Variants in BRINP3 observed in about 807,000 individuals in gnomAD.
BRINP3 encodes BMP/retinoic acid inducible neural specific 3, also known as BMP/retinoic acid-inducible neural-specific protein 3.
BRINP3 carries 19 observed loss-of-function variants against 71.0 expected under a neutral mutation model. That is an observed-to-expected ratio of 0.27 (90% CI 0.19 to 0.39). BRINP3 has a LOEUF of 0.39. Ranked by LOEUF, BRINP3 falls within the 10% of genes least tolerant of loss-of-function variation. The pLI is 1.00. For synonymous variants in BRINP3, 380 were observed against 337.7 expected (o/e 1.13, Z -1.37); for missense variants, 959 against 940.8 (o/e 1.02, Z -0.25).
intron 2 of BRINP3, among the ~76,000 whole-genome samples, chr1:190,404,571 T>G (rs1161120716): frequency 6.6e-6 from 1 of 152,178 alleles, no homozygotes; most frequent in African/African-American, 2.4e-5. Flanking sequence ...AACATGATCT[T>G]AAGTAAAAGC....
chr1:190,265,092 C>A, intron 3 of BRINP3, 37 bp from the exon 4 acceptor site: 1 of 1,551,144 alleles, frequency 6.4e-7, no homozygotes. Flanking sequence ...CAATTTTCCA[C>A]TTAAAATCTT....
rs555202855 is a variant in BRINP3, at chr1:190,138,018, G to T, written c.1184+22650C>A. On this transcript the variant is annotated intron_variant, in intron 7 of 7. Transcript: ENST00000367462. ...TGCCCAGGCTGGAGTACAATGGCATGAGCTCGGCTCACCGCAACCTCTGCC... is the reference window on the plus strand; with the variant it reads ...TGCCCAGGCTGGAGTACAATGGCATTAGCTCGGCTCACCGCAACCTCTGCC... Among the ~76,000 whole-genome samples, 371 of 151,812 alleles carry T rather than the reference G, an allele frequency of 2.4e-3. 2 individuals carry two copies. The highest frequency in any genetic ancestry group is 8.4e-3 in the African/African-American group (346 of 41,382).
At chr1:190,104,239 A>G (rs1346064170) in intron 7 of BRINP3, among the ~76,000 whole-genome samples, 1 of 151,944 alleles carries the variant, frequency 6.6e-6, no homozygotes, top group Non-Finnish European at 1.5e-5. Flanking sequence ...CTTGAGTGAC[A>G]ATACACTATA....
intron 6 of BRINP3, among the ~76,000 whole-genome samples, chr1:190,201,848 A>G (rs763973031): frequency 6.6e-6 from 1 of 152,184 alleles, no homozygotes; most frequent in Non-Finnish European, 1.5e-5. Flanking sequence ...ATTTCAGAAT[A>G]CACATGGAAA....
At chr1:190,239,175 T>C (rs116648903) in intron 4 of BRINP3, among the ~76,000 whole-genome samples, 9 of 152,184 alleles carry the variant, frequency 5.9e-5, no homozygotes, top group African/African-American at 2.2e-4. Context: ...TCCCTCATCA[T>C]GTGGGGATTA....
intron 7 of BRINP3, 95 bp downstream of exon 7, chr1:190,160,573 G>T: frequency 1.1e-6 from 1 of 936,806 alleles, no homozygotes; most frequent in Non-Finnish European, 1.6e-6. Context: ...ATTAGATCAT[G>T]ATTTGTATAT....
intron 2 of BRINP3, among the ~76,000 whole-genome samples, chr1:190,393,255 A>C (rs1030576236): frequency 6.6e-6 from 1 of 151,658 alleles, no homozygotes; most frequent in Non-Finnish European, 1.5e-5. Flanking sequence ...ACAAGGGATC[A>C]ATAAGTGGAG....
chr1:190,147,358 T>G (rs553119372), intron 7 of BRINP3, among the ~76,000 whole-genome samples: 1 of 152,256 alleles, frequency 6.6e-6, no homozygotes, highest in African/African-American at 2.4e-5. Flanking sequence ...CCAATAAGAA[T>G]AATTTATTTC....
At position 190,229,937 on chromosome 1, in the gene BRINP3, A is replaced by T. The variant is rs570115960; in HGVS notation, c.725-3619T>A. ...AATTAATTTCAATCACATGATCAAA[A>T]ATTTAATAACAAAACAGACAATATG... On this transcript the variant is annotated intron_variant, in intron 5 of 7. Transcript: ENST00000367462. 4.9e-4 allele frequency among the ~76,000 whole-genome samples: 75 copies of T among 152,126 alleles called. 2 individuals carry two copies. The highest frequency in any genetic ancestry group is 1.8e-3 in the African/African-American group (73 of 41,518).
Position 190,454,886 on chromosome 1 carries a change from A to G in BRINP3, c.5T>C (p.Ile2Thr). Reference protein sequence around the residue: MIWRSRAGAELF... With the variant: MTWRSRAGAELF... Reference sequence around the variant, plus strand: ...TTCAGCACCAGCTCTGCTTCGCCATATCATGCTTCCACTGGGGATTTAGAG... The same window carrying G: ...TTCAGCACCAGCTCTGCTTCGCCATGTCATGCTTCCACTGGGGATTTAGAG... The change falls in exon 2 of 8, where the codon ATA becomes ACA. Residue 2 changes from isoleucine (I) to threonine (T), a missense_variant. Physicochemically the swap from Ile to Thr is moderately conservative, Grantham distance 89 (BLOSUM62 -1). Coordinates refer to ENST00000367462, the MANE Select transcript of BRINP3 (RefSeq NM_199051.3). 1 of 1,613,494 alleles carries G rather than the reference A, an allele frequency of 6.2e-7. No homozygotes were observed. The highest frequency in any genetic ancestry group is 8.5e-7 in the Non-Finnish European group (1 of 1,179,482).
At chr1:190,451,754 A>G (rs1036671491) in intron 2 of BRINP3, among the ~76,000 whole-genome samples, 6 of 152,290 alleles carry the variant, frequency 3.9e-5, no homozygotes, top group African/African-American at 1.4e-4. Flanking sequence ...ACTTTTTCAA[A>G]CATGATGACA....
chr1:190,171,704 ATATAT>A (rs1328621284), intron 6 of BRINP3, among the ~76,000 whole-genome samples: 2 of 152,190 alleles, frequency 1.3e-5, no homozygotes, highest in African/African-American at 4.8e-5. Flanking sequence ...CAAGCATAAA[ATATAT>A]TATACACTAG....
intron 7 of BRINP3, among the ~76,000 whole-genome samples, chr1:190,120,244 CA>C (rs1299114142): frequency 5.9e-5 from 9 of 152,036 alleles, no homozygotes; most frequent in Admixed American, 5.2e-4. Flanking sequence ...TTCTCTGTTA[CA>C]ACCTTATCTC....
Position 190,410,338 on chromosome 1 carries a change from G to C in BRINP3, c.236+44317C>G, listed in dbSNP as rs373543650. On this transcript the variant is annotated intron_variant, in intron 2 of 7. Transcript: ENST00000367462. ...TTATTGCCTGTCATTAAGATATGGAGACTGGGGGGAAAGGTGTTTTTGTTT... is the reference window on the plus strand; with the variant it reads ...TTATTGCCTGTCATTAAGATATGGACACTGGGGGGAAAGGTGTTTTTGTTT... 3.0e-3 allele frequency among the ~76,000 whole-genome samples: 461 copies of C among 152,168 alleles called. 1 individual carries two copies. Among genetic ancestry groups the C allele is most frequent in the African/African-American group, 0.011 (444 of 41,528 alleles).
intron 6 of BRINP3, 74 bp from the exon 7 acceptor site, chr1:190,160,964 T>C: frequency 9.6e-7 from 1 of 1,041,004 alleles, no homozygotes; most frequent in East Asian, 2.4e-5. Context: ...CGTATGTCAA[T>C]ATTAAGAACA....
At chr1:190,107,043 C>G (rs945325718) in intron 7 of BRINP3, among the ~76,000 whole-genome samples, 1 of 151,862 alleles carries the variant, frequency 6.6e-6, no homozygotes, top group East Asian at 1.9e-4. Flanking sequence ...CAGCTCATTC[C>G]TTTGTGTCAC....
At chr1:190,318,111 T>C (rs1282707112) in intron 2 of BRINP3, among the ~76,000 whole-genome samples, 2 of 152,052 alleles carry the variant, frequency 1.3e-5, no homozygotes, top group Admixed American at 1.3e-4. Context: ...AGGAAAGGTA[T>C]GCTCAAATTC....
At chr1:190,339,107 T>C (rs1351724795) in intron 2 of BRINP3, among the ~76,000 whole-genome samples, 3 of 151,948 alleles carry the variant, frequency 2.0e-5, no homozygotes, top group Non-Finnish European at 4.4e-5. Flanking sequence ...ACACATAATA[T>C]TGAAAGAATG....
At chr1:190,243,202 G>C (rs927119277) in intron 4 of BRINP3, among the ~76,000 whole-genome samples, 5 of 152,078 alleles carry the variant, frequency 3.3e-5, no homozygotes, top group African/African-American at 9.7e-5. Flanking sequence ...ACACAATTTA[G>C]TTAGGACAAA....
Sources: gnomAD v4.1 joint callset for allele counts (sites outside exome capture counted in the v4.1 genomes callset) on GRCh38, gnomAD v4.1.1 for gene constraint, MANE v1.5 for transcripts, NCBI Gene and HGNC (gene_info 2026-07-23, HGNC 2026-07-21) for gene names.